Variants in RPGRIP1L observed in about 807,000 individuals in gnomAD.
RPGRIP1L encodes the protein RPGRIP1 like.
Under a neutral mutation model 160.4 loss-of-function variants are expected in RPGRIP1L, and 131 were observed. That is an observed-to-expected ratio of 0.82 (90% CI 0.71 to 0.94). The LOEUF (loss-of-function observed/expected upper bound fraction) is 0.94. Among genes scored for constraint, RPGRIP1L ranks in the 40% least tolerant of loss-of-function variants. The pLI is 0.00. For synonymous variants in RPGRIP1L, 510 were observed against 515.8 expected, an observed-to-expected ratio of 0.99 and a Z score of 0.15; for missense variants, 1,522 against 1,535.8, an observed-to-expected ratio of 0.99 and a Z score of 0.15.
intron 6 of RPGRIP1L, among the ~76,000 whole-genome samples, chr16:53,678,380 C>T (rs1969349742): frequency 6.6e-6 from 1 of 152,198 alleles, no homozygotes; most frequent in African/African-American, 2.4e-5. Flanking sequence ...TTGACTCCAG[C>T]TTTGCTACTG....
chr16:53,700,836 A>T, intron 1 of RPGRIP1L, 106 bp from the exon 2 acceptor site: 1 of 804,694 alleles, frequency 1.2e-6, no homozygotes, highest in Non-Finnish European at 2.1e-6. Flanking sequence ...TTTAATGGGC[A>T]TCTTATTGTC....
rs1286947248 is a variant in RPGRIP1L at position 53,696,143 on chromosome 16, A to G, written c.230+8T>C. 6.2e-7 allele frequency: 1 copy of G among 1,613,346 alleles called. No homozygotes were observed. The highest frequency in any genetic ancestry group is 2.2e-5 in the East Asian group (1 of 44,852). ...CAAGAAAAAAAGCTAAAAGCTTTTT[A>G]TCATAACCTTTTAATTTTATCCTCC... On this transcript the variant is annotated splice_region_variant and intron_variant, in intron 3 of 26. Coordinates refer to ENST00000647211, the MANE Select transcript of RPGRIP1L (RefSeq NM_015272.5).
intron 6 of RPGRIP1L, among the ~76,000 whole-genome samples, chr16:53,677,988 C>T (rs752088405): frequency 2.0e-4 from 31 of 152,112 alleles, no homozygotes; most frequent in Non-Finnish European, 7.4e-5. Flanking sequence ...ATCACACATG[C>T]TGCATTACAC....
chr16:53,699,817 C>CA (rs71146704), intron 2 of RPGRIP1L, among the ~76,000 whole-genome samples: 35,659 of 93,056 alleles, frequency 0.38, 7,383 homozygotes, highest in African/African-American at 0.6. Context: ...GACTTCGTCT[C>CA]AAAAAAAAAA....
chr16:53,692,207 T>C lies in RPGRIP1L; in HGVS notation c.388A>G (p.Lys130Glu). 6.2e-7 allele frequency: 1 copy of C among 1,614,208 alleles called. No individual in the cohort carries two copies. The highest frequency in any genetic ancestry group is 8.5e-7 in the Non-Finnish European group (1 of 1,180,038). ...HELEKQNETL[K>E]NRLISAKQQL... ...TGTTTGGCTGAAATCAGTCTGTTTT[T>C]GAGGGTTTCATTTTGTTTTTCAAGC... Residue 130 changes from lysine to glutamate, a missense_variant, in exon 4 of 27, where the codon AAA becomes GAA. Coordinates refer to ENST00000647211, the MANE Select transcript of RPGRIP1L (RefSeq NM_015272.5).
chr16:53,676,796 C>A (rs913142329), intron 6 of RPGRIP1L, among the ~76,000 whole-genome samples: 1 of 151,942 alleles, frequency 6.6e-6, no homozygotes, highest in South Asian at 2.1e-4. Context: ...CCATGCACAG[C>A]TGATTTTTTT....
chr16:53,680,458 G>A (rs959090739), intron 6 of RPGRIP1L, among the ~76,000 whole-genome samples: 1 of 151,900 alleles, frequency 6.6e-6, no homozygotes, highest in African/African-American at 2.4e-5. Flanking sequence ...AAGAGTGGGG[G>A]ACCATTTGAG....
Position 53,601,751 on chromosome 16 carries a change from A to C in RPGRIP1L, c.*325T>G. On this transcript the variant is annotated 3_prime_UTR_variant, in exon 27 of 27. Transcript: ENST00000647211. ...TTTGCTTATTAAAAATAAAAATGGG[A>C]ATTGCATTTCGGTTCTTCCTAAGAA... 1 of 254,600 alleles carries C rather than the reference A, an allele frequency of 3.9e-6. No homozygotes were observed. 15.8% of individuals were successfully genotyped at this position (254,600 alleles called of 1,614,324 possible).
intron 25 of RPGRIP1L, among the ~76,000 whole-genome samples, chr16:53,608,674 G>A (rs1304279867): frequency 3.3e-5 from 5 of 152,164 alleles, no homozygotes; most frequent in African/African-American, 1.2e-4. Context: ...TTCTCTAACT[G>A]TCGCTTTGTA....
At chr16:53,697,497 G>A (rs952237017) in intron 2 of RPGRIP1L, among the ~76,000 whole-genome samples, 13 of 152,242 alleles carry the variant, frequency 8.5e-5, no homozygotes, top group South Asian at 6.2e-4. Flanking sequence ...GAGTGCCTGC[G>A]ATTGCAGGCG....
chr16:53,625,283 G>A (rs901355386), intron 22 of RPGRIP1L, among the ~76,000 whole-genome samples: 1 of 150,344 alleles, frequency 6.7e-6, no homozygotes, highest in African/African-American at 2.4e-5. Flanking sequence ...AGTGAGGAGC[G>A]TCTCTGCCAG....
intron 3 of RPGRIP1L, 75 bp downstream of exon 3, chr16:53,696,076 A>G (rs1182232127): frequency 2.1e-6 from 3 of 1,430,860 alleles, no homozygotes; most frequent in Non-Finnish European, 2.9e-6. Flanking sequence ...GGGGTATTCA[A>G]TTAAGTTTAT....
rs1442598462 is a variant in RPGRIP1L, at chr16:53,600,068, T to C, written c.*2008A>G. 2 of 152,446 alleles carry C rather than the reference T, an allele frequency of 1.3e-5. No homozygotes were observed. Among genetic ancestry groups the C allele is most frequent in the African/African-American group, 4.8e-5 (2 of 41,458 alleles). The allele number at this position is 152,446 out of a possible 1,614,324, so 9.4% of individuals were successfully genotyped here. A position where few individuals can be genotyped will look rare whatever the true frequency, so the allele number is the denominator to read the frequency against. On this transcript the variant is annotated 3_prime_UTR_variant, in exon 27 of 27. Coordinates refer to ENST00000647211, the MANE Select transcript of RPGRIP1L (RefSeq NM_015272.5). ...CCACTTAATGATCCTAAGAAGTCAGTGCAATCTGGTTCTTCTCCCTGCAGA... is the reference window on the plus strand; with the variant it reads ...CCACTTAATGATCCTAAGAAGTCAGCGCAATCTGGTTCTTCTCCCTGCAGA...
intron 25 of RPGRIP1L, among the ~76,000 whole-genome samples, chr16:53,609,530 A>G (rs1963896422): frequency 6.6e-6 from 1 of 152,172 alleles, no homozygotes; most frequent in African/African-American, 2.4e-5. Context: ...GTTGTCTCCC[A>G]ATATGATCTC....
intron 8 of RPGRIP1L, among the ~76,000 whole-genome samples, chr16:53,672,218 A>C (rs1300546286): frequency 2.6e-5 from 4 of 152,162 alleles, no homozygotes; most frequent in African/African-American, 9.6e-5. Context: ...ATTTATTTTT[A>C]AGTTTTATTC....
Position 53,682,786 on chromosome 16 carries a change from T to C in RPGRIP1L, c.776+3647A>G, listed in dbSNP as rs553614628. Among the ~76,000 whole-genome samples, 3 of 152,296 alleles carry C rather than the reference T, an allele frequency of 2.0e-5. No homozygotes were observed. In the South Asian group the frequency reaches 6.2e-4, roughly 32 times the overall value. ...ACTGTTTCTCACAAGGAACCATTCTTGGTTTTTAAAGTAGGCCAAATCTAA... is the reference window on the plus strand; with the variant it reads ...ACTGTTTCTCACAAGGAACCATTCTCGGTTTTTAAAGTAGGCCAAATCTAA... On this transcript the variant is annotated intron_variant, in intron 6 of 26. Coordinates refer to ENST00000647211, the MANE Select transcript of RPGRIP1L (RefSeq NM_015272.5).
At chr16:53,625,415 G>A (rs1250395443) in intron 22 of RPGRIP1L, among the ~76,000 whole-genome samples, 22 of 138,674 alleles carry the variant, frequency 1.6e-4, no homozygotes, top group Non-Finnish European at 3.0e-4. Context: ...CCTGGCGGCC[G>A]CCCCGTCTGG....
In RPGRIP1L at chr16:53,658,876, G is replaced by A; in HGVS notation, c.1246C>T (p.Gln416Ter). Reference sequence around the variant, plus strand: ...TTCTCTTGAACGAGTTTTTCATTTTGATCTTAAAAATAAAGTCCACACAAT... The same window carrying A: ...TTCTCTTGAACGAGTTTTTCATTTTAATCTTAAAAATAAAGTCCACACAAT... ...ILDRLKTERD[Q>*]NEKLVQENRE... The change falls in exon 11 of 27, where the codon CAA (glutamine) becomes TAA (stop). Residue 416 changes from glutamine (Q) to a stop codon, truncating the protein, a stop_gained and splice_region_variant. Transcript: ENST00000647211. LOFTEE classifies it high-confidence loss of function. 1.3e-6 allele frequency: 2 copies of A among 1,574,330 alleles called. No homozygotes were observed. The highest frequency in any genetic ancestry group is 1.7e-6 in the Non-Finnish European group (2 of 1,149,300).
At chr16:53,676,743 C>T (rs996964223) in intron 6 of RPGRIP1L, among the ~76,000 whole-genome samples, 8 of 152,070 alleles carry the variant, frequency 5.3e-5, no homozygotes, top group African/African-American at 1.7e-4. Flanking sequence ...AGCGATTCTC[C>T]TGCCTCAGCT....
Sources: gnomAD v4.1 joint callset for allele counts (sites outside exome capture counted in the v4.1 genomes callset) on GRCh38, gnomAD v4.1.1 for gene constraint, MANE v1.5 for transcripts, NCBI Gene and HGNC (gene_info 2026-07-23, HGNC 2026-07-21) for gene names.